The following TTC19 variants were observed in gnomAD, a reference collection of about 807,000 sequenced individuals.
TTC19 encodes the protein tetratricopeptide repeat domain 19.
A neutral mutation model predicts 49.5 loss-of-function variants in TTC19; 38 were observed. The observed-to-expected ratio is 0.77, with a 90% CI of 0.59 to 1.01. TTC19 has a LOEUF of 1.01. TTC19 is among the 50% of genes least tolerant of loss of function. TTC19 has a pLI of 0.00. For missense variants in TTC19, 475 were observed against 477.7 expected, an observed-to-expected ratio of 0.99 and a Z score of 0.05; for synonymous variants, 204 against 185.2, an observed-to-expected ratio of 1.10 and a Z score of -0.83.
intron 7 of TTC19, among the ~76,000 whole-genome samples, chr17:16,015,344 T>C (rs1358827635): frequency 6.6e-6 from 1 of 152,070 alleles, no homozygotes; most frequent in Admixed American, 6.5e-5. Context: ...CATTAATAAA[T>C]ATCTATTGAA....
chr17:16,020,027 G>A (rs1458899553), intron 7 of TTC19, among the ~76,000 whole-genome samples: 2 of 151,482 alleles, frequency 1.3e-5, no homozygotes, highest in Admixed American at 6.6e-5. Flanking sequence ...CTACTTGGGA[G>A]GCTGAGGCAT....
intron 6 of TTC19, 114 bp from the exon 7 acceptor site, chr17:16,006,360 A>T: frequency 1.3e-6 from 1 of 785,838 alleles, no homozygotes; most frequent in South Asian, 1.4e-5. Flanking sequence ...CTCTGAGCCG[A>T]GGTCACGCCA....
At chr17:16,029,790 T>C (rs1170487371), downstream of TTC19, 1 of 152,532 alleles carries the variant, frequency 6.6e-6, no homozygotes, top group East Asian at 1.9e-4. Context: ...ATTTTAACTC[T>C]CATTCTGAGA....
At chr17:16,004,315 G>T in intron 6 of TTC19, 53 bp downstream of exon 6, 1 of 1,524,616 alleles carries the variant, frequency 6.6e-7, no homozygotes, top group African/African-American at 1.4e-5. Flanking sequence ...TTGACTCTGG[G>T]ATGTTACATA....
intron 7 of TTC19, among the ~76,000 whole-genome samples, chr17:16,007,404 CA>C (rs1172439748): frequency 1.3e-5 from 2 of 152,100 alleles, no homozygotes; most frequent in African/African-American, 2.4e-5. Flanking sequence ...ACAGGAGATT[CA>C]TTCTTATTGT....
chr17:16,000,207 GCCGA>G lies in TTC19; in HGVS notation c.275_278del (p.Ala92GlyfsTer8), dbSNP rs1970677041. On this transcript the variant is annotated frameshift_variant, in exon 2 of 10. Coordinates refer to ENST00000261647, the MANE Select transcript of TTC19 (RefSeq NM_017775.4). LOFTEE classifies it high-confidence loss of function. ...CGCTGCCGAGGACGGGGCGGACGAG[GCCGA>G]GGCAGAGATCATCCAGCTGCTGAAG... The G allele has an allele frequency of 1.4e-5, 22 of 1,594,944 alleles. No homozygotes were observed. Among genetic ancestry groups the G allele is most frequent in the Non-Finnish European group, 1.9e-5 (22 of 1,179,078 alleles).
intron 7 of TTC19, among the ~76,000 whole-genome samples, chr17:16,017,918 T>C (rs1971263083): frequency 6.6e-6 from 1 of 152,216 alleles, no homozygotes; most frequent in Non-Finnish European, 1.5e-5. Flanking sequence ...GTAGGGAAGG[T>C]ATATGTATAT....
At position 15,999,960 on chromosome 17, in the gene TTC19, C is replaced by A. The variant is rs962066178; in HGVS notation, c.112C>A (p.Pro38Thr). ...CCCGGGGCTGGCAGGAGGTCCGGGG[C>A]CCGAGGTGCAGGTGCCGCCATCCCG... ...LLPGLAGGPG[P>T]EVQVPPSRVA... The change falls in exon 1 of 10, where the codon CCC becomes ACC. Residue 38 changes from proline (P) to threonine (T), a missense_variant. Pro to Thr is a conservative substitution (Grantham distance 38). Coordinates refer to ENST00000261647, the MANE Select transcript of TTC19 (RefSeq NM_017775.4). The A allele has an allele frequency of 8.3e-6, 11 of 1,318,568 alleles. No individual in the cohort carries two copies. The African/African-American group carries it at 1.4e-4, about 17-fold the overall frequency. The allele number at this position is 1,318,568 out of a possible 1,614,324, so 81.7% of individuals were successfully genotyped here. A position where few individuals can be genotyped will look rare whatever the true frequency, so the allele number is the denominator to read the frequency against.
intron 7 of TTC19, among the ~76,000 whole-genome samples, chr17:16,021,159 G>A (rs1430306994): frequency 2.0e-5 from 3 of 152,134 alleles, no homozygotes; most frequent in Non-Finnish European, 2.9e-5. Context: ...AGGCCAAGGC[G>A]GGCGGATCAT....
chr17:16,041,788 G>A (rs530382372), intron 2 of TTC19, among the ~76,000 whole-genome samples: 2 of 151,816 alleles, frequency 1.3e-5, no homozygotes, highest in African/African-American at 4.8e-5. Flanking sequence ...CCAGGCTGGA[G>A]TGCAGCGGTG....
Position 16,000,251 on chromosome 17 carries a change from G to A in TTC19, c.312+6G>A. ...AGCTGCTGAAGCGAGCCAAGGTGAG[G>A]CGGCTCCGGGCCCTGCGCCCGGCCG... On this transcript the variant is annotated splice_donor_region_variant and intron_variant, in intron 2 of 9. Transcript: ENST00000261647. The A allele has an allele frequency of 6.3e-7, 1 of 1,594,128 alleles. No individual in the cohort carries two copies. The highest frequency in any genetic ancestry group is 8.5e-7 in the Non-Finnish European group (1 of 1,178,598).
chr17:16,025,923 G>A (rs192338286), intron 8 of TTC19, among the ~76,000 whole-genome samples: 10 of 152,262 alleles, frequency 6.6e-5, no homozygotes, highest in African/African-American at 2.4e-4. Flanking sequence ...TCCCTTAATG[G>A]AGTGAGGAAT....
chr17:16,004,940 C>G (rs73978590), intron 6 of TTC19, among the ~76,000 whole-genome samples: 2,364 of 152,268 alleles, frequency 0.016, 69 homozygotes, highest in African/African-American at 0.055. Flanking sequence ...CTTCCTGGAG[C>G]CTTTGACTTC....
At chr17:16,019,026 T>G (rs1303341767) in intron 7 of TTC19, among the ~76,000 whole-genome samples, 1 of 152,182 alleles carries the variant, frequency 6.6e-6, no homozygotes, top group Non-Finnish European at 1.5e-5. Context: ...CTTATTGCAC[T>G]TGTATATATC....
chr17:16,006,730 G>A (rs1386491290), intron 7 of TTC19, among the ~76,000 whole-genome samples, 162 bp downstream of exon 7: 2 of 151,812 alleles, frequency 1.3e-5, no homozygotes, highest in Admixed American at 6.6e-5. Context: ...GGAATAAGAT[G>A]TTTTATTTAA....
At chr17:16,019,206 G>A (rs1238098118) in intron 7 of TTC19, among the ~76,000 whole-genome samples, 1 of 152,114 alleles carries the variant, frequency 6.6e-6, no homozygotes, top group Admixed American at 6.5e-5. Context: ...GGTGGCGGGC[G>A]CCTGTAATCC....
intron 7 of TTC19, among the ~76,000 whole-genome samples, chr17:16,017,230 A>T (rs1285099209): frequency 6.6e-6 from 1 of 152,028 alleles, no homozygotes; most frequent in South Asian, 2.1e-4. Flanking sequence ...GAATTTTTTT[A>T]AAACCTGAGT....
chr17:16,014,491 C>G (rs1971159577), intron 7 of TTC19, among the ~76,000 whole-genome samples: 1 of 152,182 alleles, frequency 6.6e-6, no homozygotes, highest in Non-Finnish European at 1.5e-5. Flanking sequence ...TTCTAACTGA[C>G]TCCTTGACTG....
rs1427655620 is a variant in TTC19, at chr17:16,027,561, G to A, written c.*39G>A. 3 of 1,608,270 alleles carry A rather than the reference G, an allele frequency of 1.9e-6. No homozygotes were observed. The highest frequency in any genetic ancestry group is 1.7e-6 in the Non-Finnish European group (2 of 1,175,480). On this transcript the variant is annotated 3_prime_UTR_variant, in exon 10 of 10. Coordinates refer to ENST00000261647, the MANE Select transcript of TTC19 (RefSeq NM_017775.4). ...TAGGGAGAATAATGTCTAGTAATGT[G>A]GAAGAATAGCTATCATTCCTGTCTC...
Sources: allele counts gnomAD v4.1 joint callset (sites outside exome capture counted in the v4.1 genomes callset), GRCh38; gene constraint gnomAD v4.1.1; transcripts MANE v1.5; gene names NCBI Gene and HGNC (gene_info 2026-07-23, HGNC 2026-07-21).